Variants in B3GALT1 observed in about 807,000 individuals in gnomAD.
B3GALT1 encodes the protein UDP-Gal:betaGlcNAc beta 1,3-galactosyltransferase, polypeptide 1.
Under a neutral mutation model 23.2 loss-of-function variants are expected in B3GALT1, and 10 were observed. That is an observed-to-expected ratio of 0.43 (90% CI 0.27 to 0.73). The LOEUF (loss-of-function observed/expected upper bound fraction) is 0.73. B3GALT1 is among the 30% of genes least tolerant of loss of function. The probability of loss-of-function intolerance (pLI) is 0.21; values close to 1 mark genes in which losing one functional copy is unlikely to be tolerated. For synonymous variants in B3GALT1, 156 were observed against 141.5 expected (o/e 1.10, Z -0.73); for missense variants, 299 against 405.4 (o/e 0.74, Z 2.25).
intron 1 of B3GALT1, among the ~76,000 whole-genome samples, chr2:167,439,929 A>G (rs958493681): frequency 9.9e-5 from 14 of 142,112 alleles, no homozygotes; most frequent in African/African-American, 3.6e-4. Flanking sequence ...CTTCACAGCT[A>G]CATTATAACA....
At chr2:167,458,428 A>G (rs1699204663) in intron 1 of B3GALT1, among the ~76,000 whole-genome samples, 1 of 152,220 alleles carries the variant, frequency 6.6e-6, no homozygotes, top group Admixed American at 6.5e-5. Flanking sequence ...TGGGTGTACA[A>G]ATATCTCTTT....
At chr2:167,798,590 C>T (rs1324634065) in intron 3 of B3GALT1, among the ~76,000 whole-genome samples, 1 of 152,068 alleles carries the variant, frequency 6.6e-6, no homozygotes, top group Non-Finnish European at 1.5e-5. Flanking sequence ...AGATAGATGG[C>T]TGTAGGTGTG....
intron 3 of B3GALT1, among the ~76,000 whole-genome samples, chr2:167,802,768 G>A (rs116515798): frequency 0.016 from 2,373 of 152,058 alleles, 56 homozygotes; most frequent in African/African-American, 0.05. Context: ...TTAGAGCAAC[G>A]CATGTAATCC....
intron 1 of B3GALT1, among the ~76,000 whole-genome samples, chr2:167,402,278 TA>T (rs1017333042): frequency 6.6e-6 from 1 of 152,158 alleles, no homozygotes; most frequent in African/African-American, 2.4e-5. Flanking sequence ...TGTCATCAAT[TA>T]AAAAAATTTA....
chr2:167,543,978 A>G (rs1196036255), intron 2 of B3GALT1, among the ~76,000 whole-genome samples: 3 of 152,202 alleles, frequency 2.0e-5, no homozygotes, highest in African/African-American at 7.2e-5. Context: ...AGCTCTCCTT[A>G]GCATGTTGGC....
chr2:167,733,344 G>A (rs1336394396), intron 3 of B3GALT1, among the ~76,000 whole-genome samples: 1 of 152,138 alleles, frequency 6.6e-6, no homozygotes, highest in African/African-American at 2.4e-5. Context: ...CAGGCCTCAT[G>A]CAGGTCAGGA....
At chr2:167,458,881 C>T (rs1043619516) in intron 1 of B3GALT1, among the ~76,000 whole-genome samples, 16 of 152,104 alleles carry the variant, frequency 1.1e-4, no homozygotes, top group African/African-American at 3.9e-4. Flanking sequence ...CTTTGCTGAA[C>T]TTATCTATTT....
At chr2:167,536,317 A>G (rs1275792409) in intron 2 of B3GALT1, among the ~76,000 whole-genome samples, 1 of 152,152 alleles carries the variant, frequency 6.6e-6, no homozygotes, top group Non-Finnish European at 1.5e-5. Flanking sequence ...GAAAGGAGAG[A>G]GGCAGGGAGG....
chr2:167,621,929 A>T (rs1414030600), intron 2 of B3GALT1, among the ~76,000 whole-genome samples: 1 of 152,040 alleles, frequency 6.6e-6, no homozygotes. Context: ...TGCAGAACTA[A>T]TTGAGAGTCA....
At chr2:167,592,421 T>TC (rs1684702573) in intron 2 of B3GALT1, among the ~76,000 whole-genome samples, 1 of 152,200 alleles carries the variant, frequency 6.6e-6, no homozygotes, top group South Asian at 2.1e-4. Flanking sequence ...CATGTCTTTA[T>TC]CAGCCCACTT....
intron 1 of B3GALT1, among the ~76,000 whole-genome samples, chr2:167,307,398 A>G (rs1469188894): frequency 3.3e-5 from 5 of 152,090 alleles, no homozygotes; most frequent in Admixed American, 2.6e-4. Flanking sequence ...CAGAGAGACT[A>G]CAACAAGAAT....
At chr2:167,727,226 CA>C (rs1390182700) in intron 3 of B3GALT1, among the ~76,000 whole-genome samples, 2 of 152,122 alleles carry the variant, frequency 1.3e-5, no homozygotes, top group Non-Finnish European at 2.9e-5. Flanking sequence ...TTATCTCCAT[CA>C]GCTTTTGTTC....
intron 2 of B3GALT1, among the ~76,000 whole-genome samples, chr2:167,496,927 A>T (rs1278250135): frequency 6.6e-6 from 1 of 152,182 alleles, no homozygotes; most frequent in Non-Finnish European, 1.5e-5. Context: ...CCAGCACTGT[A>T]GAAGTACATT....
chr2:167,590,436 C>T (rs1300629820), intron 2 of B3GALT1, among the ~76,000 whole-genome samples: 2 of 151,652 alleles, frequency 1.3e-5, no homozygotes, highest in Non-Finnish European at 2.9e-5. Context: ...CAGCAAGCCA[C>T]CATGGCACGT....
intron 4 of B3GALT1, among the ~76,000 whole-genome samples, chr2:167,826,251 GGC>G: frequency 6.6e-6 from 1 of 152,158 alleles, no homozygotes; most frequent in Admixed American, 6.5e-5. Flanking sequence ...CACCCTCCAG[GGC>G]TCATGGCTTG....
intron 2 of B3GALT1, among the ~76,000 whole-genome samples, chr2:167,535,612 A>T (rs1683402927): frequency 6.6e-6 from 1 of 152,122 alleles, no homozygotes; most frequent in East Asian, 1.9e-4. Flanking sequence ...TAGGTATAAA[A>T]AGGAGAGGCA....
chr2:167,649,763 G>A (rs1455073195), intron 3 of B3GALT1, among the ~76,000 whole-genome samples: 1 of 151,796 alleles, frequency 6.6e-6, no homozygotes, highest in Non-Finnish European at 1.5e-5. Context: ...TGTTGATCTT[G>A]TGTCCTACAA....
chr2:167,377,979 A>G (rs150082045), intron 1 of B3GALT1, among the ~76,000 whole-genome samples: 415 of 152,236 alleles, frequency 2.7e-3, no homozygotes, highest in African/African-American at 9.4e-3. Context: ...TTCCATGTTT[A>G]AAACTCCCTT....
chr2:167,553,409 G>A (rs543398892), intron 2 of B3GALT1, among the ~76,000 whole-genome samples: 16 of 152,258 alleles, frequency 1.1e-4, no homozygotes, highest in South Asian at 1.0e-3. Flanking sequence ...AATTGAGACC[G>A]AGAAAACCTA....
Sources: gnomAD v4.1 joint callset for allele counts (sites outside exome capture counted in the v4.1 genomes callset) on GRCh38, gnomAD v4.1.1 for gene constraint, MANE v1.5 for transcripts, NCBI Gene and HGNC (gene_info 2026-07-23, HGNC 2026-07-21) for gene names.